Variants in AOPEP observed in about 807,000 individuals in gnomAD.
The protein encoded by AOPEP is aminopeptidase O (putative).
Under a neutral mutation model 98.1 loss-of-function variants are expected in AOPEP, and 77 were observed. The observed-to-expected ratio is 0.78, with a 90% CI of 0.65 to 0.95. The LOEUF (loss-of-function observed/expected upper bound fraction) is 0.95. Ranked by LOEUF, AOPEP falls within the 40% of genes least tolerant of loss-of-function variation. AOPEP has a pLI of 0.00. For missense variants in AOPEP, 1,024 were observed against 1,024.7 expected (o/e 1.00, Z 0.01); for synonymous variants, 346 against 365.3 (o/e 0.95, Z 0.60).
chr9:95,074,360 C>T (rs978901737), intron 14 of AOPEP, among the ~76,000 whole-genome samples: 1 of 152,128 alleles, frequency 6.6e-6, no homozygotes, highest in Non-Finnish European at 1.5e-5. Context: ...TTCTTCCCAC[C>T]CTAGATTCCA....
intron 5 of AOPEP, among the ~76,000 whole-genome samples, chr9:94,870,048 G>A (rs2135589477): frequency 6.7e-6 from 1 of 148,406 alleles, no homozygotes; most frequent in South Asian, 2.1e-4. Flanking sequence ...GAATGCAATG[G>A]TGCGATCTCG....
At chr9:94,790,117 C>T (rs1005079638) in intron 3 of AOPEP, among the ~76,000 whole-genome samples, 16 of 151,530 alleles carry the variant, frequency 1.1e-4, no homozygotes, top group African/African-American at 2.9e-4. Flanking sequence ...CCTCGTGATC[C>T]GCCCGCCTCG....
rs144785882 is a variant in AOPEP, at chr9:94,922,878, A to T, written c.1365-1108A>T. ...TTGAGCTCTCTGAGCTGAATGGGTG[A>T]TGTTGTGTAAGGGAACTCGAGGTGG... On this transcript the variant is annotated intron_variant, in intron 5 of 16. Coordinates refer to ENST00000375315, the MANE Select transcript of AOPEP (RefSeq NM_001193329.3). Among the ~76,000 whole-genome samples the T allele has an allele frequency of 2.4e-4, 37 of 152,298 alleles. No individual in the cohort carries two copies. In the East Asian group the frequency reaches 6.4e-3, roughly 26 times the overall value.
At chr9:94,846,494 C>A (rs1483968618) in intron 5 of AOPEP, among the ~76,000 whole-genome samples, 1 of 152,104 alleles carries the variant, frequency 6.6e-6, no homozygotes, top group African/African-American at 2.4e-5. Flanking sequence ...GGGAGTCCTA[C>A]TGTAAAATTA....
chr9:94,797,188 A>C (rs1224004838), intron 4 of AOPEP, among the ~76,000 whole-genome samples: 7 of 152,150 alleles, frequency 4.6e-5, no homozygotes, highest in Non-Finnish European at 8.8e-5. Context: ...AATCCCAGCA[A>C]TTTGGGAGGC....
At chr9:94,763,658 TG>T (rs979523815) in intron 2 of AOPEP, among the ~76,000 whole-genome samples, 20 of 152,118 alleles carry the variant, frequency 1.3e-4, no homozygotes, top group African/African-American at 4.8e-4. Flanking sequence ...ATATACAAGA[TG>T]AGTCTGGAGC....
the AOPEP span, chr9:95,107,240 G>A: frequency 6.2e-7 from 1 of 1,614,116 alleles, no homozygotes; most frequent in Non-Finnish European, 8.5e-7. Context: ...ACATTGCCAG[G>A]AGGTGGCCCA....
the AOPEP span, chr9:95,123,845 C>G: frequency 4.7e-6 from 3 of 631,956 alleles, no homozygotes; most frequent in South Asian, 2.8e-5. Flanking sequence ...TGCTGCCCCA[C>G]AACCCCCACC....
intron 13 of AOPEP, among the ~76,000 whole-genome samples, chr9:95,057,807 A>C (rs1444119598): frequency 6.6e-6 from 1 of 152,164 alleles, no homozygotes; most frequent in Non-Finnish European, 1.5e-5. Flanking sequence ...TTACCAAGTG[A>C]GAGTCATTTC....
intron 5 of AOPEP, among the ~76,000 whole-genome samples, chr9:94,894,365 AATC>A (rs1317713690): frequency 6.6e-6 from 1 of 152,212 alleles, no homozygotes; most frequent in Non-Finnish European, 1.5e-5. Context: ...GAGGATTAGA[AATC>A]ATAAGTGACA....
chr9:95,014,727 T>C (rs989857438), intron 13 of AOPEP, among the ~76,000 whole-genome samples: 11 of 152,218 alleles, frequency 7.2e-5, no homozygotes, highest in Non-Finnish European at 1.5e-4. Context: ...ATTTATCTTC[T>C]CACACTCTTG....
the AOPEP span, among the ~76,000 whole-genome samples, chr9:95,125,365 T>A: frequency 2.6e-5 from 4 of 152,258 alleles, no homozygotes; most frequent in Non-Finnish European, 5.9e-5. Flanking sequence ...CTCCCTGTTA[T>A]ATTTTCTTTA....
the AOPEP span, chr9:95,101,519 G>C: frequency 1.4e-6 from 1 of 707,216 alleles, no homozygotes; most frequent in Non-Finnish European, 2.4e-6. Context: ...CTGAGTCTGG[G>C]CTGAGGGACC....
the AOPEP span, among the ~76,000 whole-genome samples, chr9:95,095,635 T>G: frequency 6.6e-6 from 1 of 152,176 alleles, no homozygotes; most frequent in South Asian, 2.1e-4. Context: ...GCGTTGGGCA[T>G]GGAAAGGGTT....
At chr9:94,760,677 G>T in intron 2 of AOPEP, 97 bp downstream of exon 2, 1 of 986,552 alleles carries the variant, frequency 1.0e-6, no homozygotes. Flanking sequence ...AGATGCTCCT[G>T]TGTCTTCTGT....
intron 1 of AOPEP, among the ~76,000 whole-genome samples, chr9:94,752,361 A>T (rs111920328): frequency 0.038 from 4,476 of 117,318 alleles, 190 homozygotes; most frequent in African/African-American, 0.15. Context: ...TCTCTCTCTC[A>T]CACACACACA....
intron 13 of AOPEP, among the ~76,000 whole-genome samples, chr9:95,027,752 CTT>C (rs2063958738): frequency 6.6e-6 from 1 of 152,214 alleles, no homozygotes; most frequent in African/African-American, 2.4e-5. Context: ...GTGCAGGAAA[CTT>C]TATCACATCA....
At chr9:94,782,861 G>C (rs1189039112) in intron 3 of AOPEP, among the ~76,000 whole-genome samples, 1 of 152,152 alleles carries the variant, frequency 6.6e-6, no homozygotes, top group Non-Finnish European at 1.5e-5. Context: ...TTGTTGACTA[G>C]TTCTTGCTTA....
intron 5 of AOPEP, among the ~76,000 whole-genome samples, chr9:94,847,648 T>A (rs2043028598): frequency 6.6e-6 from 1 of 152,172 alleles, no homozygotes; most frequent in Non-Finnish European, 1.5e-5. Context: ...AGATGAATCA[T>A]TAATGGGTTG....
Sources: allele counts gnomAD v4.1 joint callset (sites outside exome capture counted in the v4.1 genomes callset), GRCh38; gene constraint gnomAD v4.1.1; transcripts MANE v1.5; gene names NCBI Gene and HGNC (gene_info 2026-07-23, HGNC 2026-07-21).